FLNB: variants seen among roughly 807,000 people sequenced by gnomAD.
FLNB encodes the protein filamin-B.
FLNB carries 111 observed loss-of-function variants against 250.6 expected under a neutral mutation model. The ratio of observed to expected loss-of-function variants is 0.44; its 90% CI spans 0.38 to 0.52. The LOEUF is 0.52. Among genes scored for constraint, FLNB ranks in the 20% least tolerant of loss-of-function variants. FLNB has a pLI of 0.00. For missense variants in FLNB, 2,869 were observed against 3,447.8 expected (o/e 0.83, Z 4.20); for synonymous variants, 1,302 against 1,372.1 (o/e 0.95, Z 1.13).
intron 1 of FLNB, among the ~76,000 whole-genome samples, chr3:58,072,548 C>T (rs571527619): frequency 2.5e-4 from 38 of 152,240 alleles, no homozygotes; most frequent in African/African-American, 8.2e-4. Flanking sequence ...ATTTCATTTT[C>T]GAGGCTTGGG....
At chr3:58,097,787 G>A (rs1459217843) in intron 6 of FLNB, 28 bp from the exon 7 acceptor site, 7 of 1,608,620 alleles carry the variant, frequency 4.4e-6, no homozygotes, top group Non-Finnish European at 6.0e-6. Flanking sequence ...AAGTGATTAT[G>A]TATTTCTCAC....
At chr3:58,024,125 G>T (rs2097119099) in intron 1 of FLNB, among the ~76,000 whole-genome samples, 1 of 152,106 alleles carries the variant, frequency 6.6e-6, no homozygotes, top group Non-Finnish European at 1.5e-5. Flanking sequence ...CCAGGCCCAT[G>T]AAGCCATCCT....
At position 58,132,828 on chromosome 3, in the gene FLNB, G is replaced by C. The variant is rs12632456; in HGVS notation, c.4411G>C (p.Val1471Leu). Residue 1471 changes from valine (V) to leucine (L), a missense_variant, in exon 26 of 46, where the codon GTG becomes CTG. Physicochemically the swap from Val to Leu is conservative, Grantham distance 32. Around this residue, in one of 5 missense-constraint regions of FLNB, gnomAD observed 1,348 missense variants for 1,466.7 expected, o/e 0.92. Coordinates refer to ENST00000295956, the MANE Select transcript of FLNB (RefSeq NM_001457.4). ...GPRGLVEPVN[V>L]VDNGDGTHTV... ...CTCAGGCTTGGTGGAGCCAGTGAAC[G>C]TGGTGGACAATGGAGATGGCACACA... 2 of 1,613,842 alleles carry C rather than the reference G, an allele frequency of 1.2e-6. No homozygotes were observed. Among genetic ancestry groups the C allele is most frequent in the Non-Finnish European group, 1.7e-6 (2 of 1,179,948 alleles).
At chr3:58,042,365 A>G (rs577487750) in intron 1 of FLNB, among the ~76,000 whole-genome samples, 1 of 110,556 alleles carries the variant, frequency 9.0e-6, no homozygotes, top group Non-Finnish European at 1.8e-5. Flanking sequence ...TTTTTTTTTT[A>G]AAGTCCGGGT....
rs1460947868 is a variant in FLNB, at chr3:58,171,671, G to A, written c.*909G>A. 1.3e-5 allele frequency: 2 copies of A among 152,272 alleles called. No individual in the cohort carries two copies. The highest frequency in any genetic ancestry group is 2.9e-5 in the Non-Finnish European group (2 of 68,136). The allele number at this position is 152,272 out of a possible 1,614,324, so 9.4% of individuals were successfully genotyped here. A position where few individuals can be genotyped will look rare whatever the true frequency, so the allele number is the denominator to read the frequency against. On this transcript the variant is annotated 3_prime_UTR_variant, in exon 46 of 46. Transcript: ENST00000295956. The surrounding 1 kb of genome is among the most constrained non-coding windows in gnomAD (Gnocchi z 5.5). Reference sequence around the variant, plus strand: ...ATCTCAGAGGGGCCCATGGATTAACGCCCTCATCCCAAGGTCCGTCCCATG... The same window carrying A: ...ATCTCAGAGGGGCCCATGGATTAACACCCTCATCCCAAGGTCCGTCCCATG...
At chr3:58,030,403 C>G (rs564369395) in intron 1 of FLNB, among the ~76,000 whole-genome samples, 59 of 152,222 alleles carry the variant, frequency 3.9e-4, no homozygotes, top group Non-Finnish European at 7.1e-4. Flanking sequence ...TTTTGGGTCT[C>G]TGCTCTGTTG....
Position 58,112,178 on chromosome 3 carries a change from A to T in FLNB, c.2605A>T (p.Thr869Ser), listed in dbSNP as rs2097269987. The change falls in exon 18 of 46, where the codon ACT becomes TCT. Residue 869 changes from threonine to serine, a missense_variant. Thr to Ser is a moderately conservative substitution (Grantham distance 58). Coordinates refer to ENST00000295956, the MANE Select transcript of FLNB (RefSeq NM_001457.4). ...GVENGKPTHF[T>S]VYTKGAGKAP... is the part of the protein sequence containing the mutation. ...GGAAAATGGGAAACCGACCCACTTC[A>T]CTGTCTACACCAAGGGGGCTGGGAA... 4 of 1,613,942 alleles carry T rather than the reference A, an allele frequency of 2.5e-6. No individual in the cohort carries two copies. The highest frequency in any genetic ancestry group is 3.3e-5 in the Admixed American group (2 of 59,988).
intron 38 of FLNB, among the ~76,000 whole-genome samples, chr3:58,152,289 G>A (rs942765706): frequency 9.2e-5 from 14 of 152,142 alleles, no homozygotes; most frequent in African/African-American, 2.7e-4. Context: ...CAGGTTTTGC[G>A]GGGCATCTTT....
chr3:58,077,460 C>T (rs1329555047), intron 2 of FLNB, among the ~76,000 whole-genome samples, 166 bp downstream of exon 2: 2 of 152,204 alleles, frequency 1.3e-5, no homozygotes, highest in Non-Finnish European at 2.9e-5. Flanking sequence ...GCTCTGTGTA[C>T]CCTTCCAAGG....
At chr3:58,026,642 A>G (rs2097124044) in intron 1 of FLNB, among the ~76,000 whole-genome samples, 1 of 152,098 alleles carries the variant, frequency 6.6e-6, no homozygotes, top group Non-Finnish European at 1.5e-5. Context: ...TCTCTTGAGG[A>G]GTTGGCGAGT....
intron 1 of FLNB, among the ~76,000 whole-genome samples, chr3:58,013,843 G>A (rs185985817): frequency 6.6e-6 from 1 of 152,172 alleles, no homozygotes; most frequent in East Asian, 1.9e-4. Context: ...TAGCAAAGTA[G>A]CATGCTTTGT....
intron 20 of FLNB, among the ~76,000 whole-genome samples, chr3:58,122,363 C>A (rs577632321): frequency 6.8e-6 from 1 of 147,546 alleles, no homozygotes; most frequent in Non-Finnish European, 1.5e-5. Context: ...TGTGGTGACG[C>A]ATGCCTGTAA....
At chr3:58,010,392 G>A (rs2097096842) in intron 1 of FLNB, among the ~76,000 whole-genome samples, 1 of 152,138 alleles carries the variant, frequency 6.6e-6, no homozygotes, top group African/African-American at 2.4e-5. Context: ...GGCAGGTAAG[G>A]CTGCTTCCTG....
intron 12 of FLNB, 137 bp downstream of exon 12, chr3:58,107,010 C>T: frequency 5.5e-6 from 4 of 730,498 alleles, no homozygotes; most frequent in Non-Finnish European, 9.7e-6. Context: ...AACAGGCCTG[C>T]ATTTGTTTGT....
intron 17 of FLNB, 99 bp downstream of exon 17, chr3:58,111,980 C>A (rs2097269538): frequency 3.3e-6 from 4 of 1,203,916 alleles, no homozygotes. Flanking sequence ...TCCACCAACA[C>A]CAACACCAAG....
chr3:58,073,992 T>G (rs917255793), intron 1 of FLNB, among the ~76,000 whole-genome samples: 1 of 152,210 alleles, frequency 6.6e-6, no homozygotes, highest in African/African-American at 2.4e-5. Context: ...AAGTGGAGTT[T>G]CATGCATCGT....
chr3:58,072,134 A>G (rs2097195490), intron 1 of FLNB, among the ~76,000 whole-genome samples: 1 of 152,200 alleles, frequency 6.6e-6, no homozygotes, highest in African/African-American at 2.4e-5. Context: ...CACCCTGCTC[A>G]CTTAGAAGCA....
At position 58,141,883 on chromosome 3, in the gene FLNB, T is replaced by A; in HGVS notation, c.5135T>A (p.Val1712Glu). The A allele has an allele frequency of 1.2e-6, 2 of 1,614,202 alleles. No homozygotes were observed. Among genetic ancestry groups the A allele is most frequent in the Non-Finnish European group, 1.7e-6 (2 of 1,180,030 alleles). ...GCCACAGATGGGGAAGTCACAGCCG[T>A]GGAGGAGGCACCGGTAAATGCATGT... The part of the protein sequence containing the change: ...VMATDGEVTA[V>E]EEAPVNACPP... The change falls in exon 30 of 46, where the codon GTG becomes GAG. Residue 1712 changes from valine to glutamate, a missense_variant. Physicochemically the swap from Val to Glu is moderately radical, Grantham distance 121 (BLOSUM62 -2). Coordinates refer to ENST00000295956, the MANE Select transcript of FLNB (RefSeq NM_001457.4).
At chr3:58,048,794 T>G (rs549982398) in intron 1 of FLNB, among the ~76,000 whole-genome samples, 1 of 152,378 alleles carries the variant, frequency 6.6e-6, no homozygotes, top group African/African-American at 2.4e-5. Flanking sequence ...AACACATGGC[T>G]CTTACATAAT....
Sources: allele counts gnomAD v4.1 joint callset (sites outside exome capture counted in the v4.1 genomes callset), GRCh38; gene constraint gnomAD v4.1.1; regional missense constraint gnomAD v4.1.1; non-coding constraint Gnocchi (gnomAD v3.1); transcripts MANE v1.5; gene names NCBI Gene and HGNC (gene_info 2026-07-23, HGNC 2026-07-21).